Variants in TUBB observed in about 807,000 individuals in gnomAD.
TUBB encodes the protein tubulin beta chain.
In TUBB, 2 loss-of-function variants were observed where a neutral mutation model predicts 35.1. That is an observed-to-expected ratio of 0.06 (90% CI 0.02 to 0.18). The LOEUF (loss-of-function observed/expected upper bound fraction) is 0.18, where lower values mean the gene tolerates loss of function less well. TUBB is among the 10% of genes least tolerant of loss of function. The pLI is 1.00. For missense variants in TUBB, 50 were observed against 599.4 expected (o/e 0.08, Z 9.57); for synonymous variants, 205 against 223.8 (o/e 0.92, Z 0.75).
intron 1 of TUBB, chr6:30,721,521 T>A: frequency 1.0e-6 from 1 of 983,786 alleles, no homozygotes; most frequent in Middle Eastern, 5.2e-4. Flanking sequence ...CGCGCGGAAT[T>A]TTTGTCCCTG....
rs75955575 is a variant in TUBB, at chr6:30,722,488, A to T, written c.58-49A>T. On this transcript the variant is annotated intron_variant, in intron 1 of 3. Coordinates refer to ENST00000327892, the MANE Select transcript of TUBB (RefSeq NM_178014.4). ...GAAATAAAATGGTAGTTGGGGACAT[A>T]GTTGGCTGGGACTTGACCTGTTGTG... 57,266 of 1,253,436 alleles carry T rather than the reference A, an allele frequency of 0.046. 2,284 individuals carry two copies. The highest frequency in any genetic ancestry group is 0.16 in the African/African-American group (10,481 of 67,104). The allele number at this position is 1,253,436 out of a possible 1,614,324, so 77.6% of individuals were successfully genotyped here. A position where few individuals can be genotyped will look rare whatever the true frequency, so the allele number is the denominator to read the frequency against.
chr6:30,721,856 G>A (rs1018315071), intron 1 of TUBB: 4 of 985,776 alleles, frequency 4.1e-6, no homozygotes, highest in Non-Finnish European at 4.8e-6. Context: ...TAGAACAACG[G>A]CCTGAGCGCT....
intron 3 of TUBB, 143 bp from the exon 4 acceptor site, chr6:30,723,197 T>A: frequency 1.1e-6 from 1 of 924,286 alleles, no homozygotes; most frequent in Non-Finnish European, 1.6e-6. Flanking sequence ...TGCTGGTAAA[T>A]TATGGGGCAG....
rs1776519838 is a variant in TUBB, at chr6:30,724,654, CCA to C, written c.*258_*259del. 8 of 499,008 alleles carry C rather than the reference CCA, an allele frequency of 1.6e-5. No homozygotes were observed. Among genetic ancestry groups the C allele is most frequent in the Non-Finnish European group, 2.5e-5 (7 of 285,342 alleles). The allele number at this position is 499,008 out of a possible 1,614,324, so 30.9% of individuals were successfully genotyped here. A position where few individuals can be genotyped will look rare whatever the true frequency, so the allele number is the denominator to read the frequency against. ...GTGACCCTGTATTTCTTTCTGGTGC[CCA>C]TTCCATTTGTCCAGTTAATACTTCC... On this transcript the variant is annotated 3_prime_UTR_variant, in exon 4 of 4. Transcript: ENST00000327892. The surrounding 1 kb of genome is among the most constrained non-coding windows in gnomAD (Gnocchi z 4.4).
In TUBB at chr6:30,722,914, G is replaced by A. The variant is rs1291975766; in HGVS notation, c.167-4G>A. ...TTCACAGCTCTTAACTTTATTCTCT[G>A]TAGGTGGCAAATATGTTCCTCGTGC... On this transcript the variant is annotated splice_region_variant and splice_polypyrimidine_tract_variant and intron_variant, in intron 2 of 3. Transcript: ENST00000327892. 1.2e-6 allele frequency: 2 copies of A among 1,610,198 alleles called. No homozygotes were observed. Among genetic ancestry groups the A allele is most frequent in the Non-Finnish European group, 1.7e-6 (2 of 1,177,964 alleles).
chr6:30,723,704 T>C lies in TUBB; in HGVS notation c.642T>C (p.Thr214=). 1.9e-6 allele frequency: 3 copies of C among 1,614,196 alleles called. No homozygotes were observed. Among genetic ancestry groups the C allele is most frequent in the Non-Finnish European group, 2.5e-6 (3 of 1,180,038 alleles). Reference sequence around the variant, plus strand: ...CCCTCTATGATATCTGCTTCCGCACTCTGAAGCTGACCACACCAACCTACG... The same window carrying C: ...CCCTCTATGATATCTGCTTCCGCACCCTGAAGCTGACCACACCAACCTACG... ...NEALYDICFR[T]LKLTTPTYGD... Residue 214 remains threonine, a synonymous_variant, in exon 4 of 4, where the codon ACT becomes ACC. Transcript: ENST00000327892.
At position 30,723,626 on chromosome 6, in the gene TUBB, C is replaced by T. The variant is rs140428951; in HGVS notation, c.564C>T (p.Ser188=). 24 of 1,614,110 alleles carry T rather than the reference C, an allele frequency of 1.5e-5. No individual in the cohort carries two copies. The highest frequency in any genetic ancestry group is 1.8e-5 in the Non-Finnish European group (21 of 1,180,052). The change falls in exon 4 of 4, where the codon TCC becomes TCT. Residue 188 remains serine (S), a synonymous_variant. Transcript: ENST00000327892. The part of the protein sequence containing the change: ...TVVEPYNATL[S]VHQLVENTDE... ...TCGAGCCCTACAATGCCACCCTCTC[C>T]GTCCATCAGTTGGTAGAGAATACTG...
intron 1 of TUBB, among the ~76,000 whole-genome samples, chr6:30,720,901 G>A (rs1296318405): frequency 6.6e-6 from 1 of 152,272 alleles, no homozygotes; most frequent in Non-Finnish European, 1.5e-5. Flanking sequence ...AGACAAAGCG[G>A]GGCGAGGTTT....
intron 1 of TUBB, 138 bp downstream of exon 1, chr6:30,720,701 T>TAA (rs1776161208): frequency 1.4e-6 from 1 of 716,720 alleles, no homozygotes. Flanking sequence ...TTTATATATA[T>TAA]AACAATTGTA....
chr6:30,721,608 G>A, intron 1 of TUBB: 4 of 985,416 alleles, frequency 4.1e-6, no homozygotes, highest in African/African-American at 1.7e-5. Flanking sequence ...GGCGGGGGGG[G>A]TGGTCGACTG....
chr6:30,724,130 C>T lies in TUBB; in HGVS notation c.1068C>T (p.Ile356=), dbSNP rs1776465132. ...ATGTCAAGACAGCCGTCTGTGACAT[C>T]CCACCTCGTGGCCTCAAGATGGCAG... is the stretch of plus-strand genomic sequence containing the variant. ...PNNVKTAVCD[I]PPRGLKMAVT... The change falls in exon 4 of 4, where the codon ATC becomes ATT. Residue 356 remains isoleucine, a synonymous_variant. Coordinates refer to ENST00000327892, the MANE Select transcript of TUBB (RefSeq NM_178014.4). The surrounding 1 kb of genome is among the most constrained non-coding windows in gnomAD (Gnocchi z 4.4). 2.5e-6 allele frequency: 4 copies of T among 1,614,142 alleles called. No homozygotes were observed. Among genetic ancestry groups the T allele is most frequent in the Non-Finnish European group, 3.4e-6 (4 of 1,179,990 alleles).
chr6:30,720,606 A>T, intron 1 of TUBB, 43 bp downstream of exon 1: 1 of 1,583,588 alleles, frequency 6.3e-7, no homozygotes, highest in Non-Finnish European at 8.6e-7. Context: ...ACAAGGAAAA[A>T]TCCAGGTAAG....
chr6:30,724,450 A>T lies in TUBB; in HGVS notation c.*53A>T. ...TCAGTTCCCTTAGCCGTCTTACTCA[A>T]CTGCCCCTTTCCTCTCCCTCAGAAT... On this transcript the variant is annotated 3_prime_UTR_variant, in exon 4 of 4. Transcript: ENST00000327892. This position sits in a 1 kb window ranked among gnomAD's most constrained non-coding sequence, Gnocchi z 4.4. 1 of 1,495,850 alleles carries T rather than the reference A, an allele frequency of 6.7e-7. No homozygotes were observed. Among genetic ancestry groups the T allele is most frequent in the East Asian group, 2.3e-5 (1 of 43,254 alleles). 92.7% of individuals were successfully genotyped at this position (1,495,850 alleles called of 1,614,324 possible).
rs1776127691 is a variant in TUBB, at chr6:30,720,358, G to A, written c.-149G>A. On this transcript the variant is annotated 5_prime_UTR_variant, in exon 1 of 4. Coordinates refer to ENST00000327892, the MANE Select transcript of TUBB (RefSeq NM_178014.4). Reference sequence around the variant, plus strand: ...CCTCCCCTCTCCTTTCTCCCTCTCAGAACCTTCCTGCCGTCGCGTTTGCAC... The same window carrying A: ...CCTCCCCTCTCCTTTCTCCCTCTCAAAACCTTCCTGCCGTCGCGTTTGCAC... The A allele has an allele frequency of 1.3e-6, 1 of 771,610 alleles. No individual in the cohort carries two copies. Among genetic ancestry groups the A allele is most frequent in the Admixed American group, 2.1e-5 (1 of 48,308 alleles). The allele number at this position is 771,610 out of a possible 1,614,324, so 47.8% of individuals were successfully genotyped here. A position where few individuals can be genotyped will look rare whatever the true frequency, so the allele number is the denominator to read the frequency against.
At chr6:30,722,863 T>G (rs1776385973) in intron 2 of TUBB, 55 bp from the exon 3 acceptor site, 2 of 1,451,970 alleles carry the variant, frequency 1.4e-6, no homozygotes, top group Admixed American at 3.5e-5. Flanking sequence ...TTCCAGTATA[T>G]CTATAAACCT....
At chr6:30,721,569 A>C in intron 1 of TUBB, 2 of 984,950 alleles carry the variant, frequency 2.0e-6, no homozygotes, top group South Asian at 4.7e-5. Flanking sequence ...CGGCGGCTCG[A>C]CCTGCGCGTG....
In TUBB at chr6:30,724,755, T is replaced by G; in HGVS notation, c.*358T>G. Reference sequence around the variant, plus strand: ...ACCAGGTGCTGAAAACACATGTAGATAATGGCCATCATCCTAAGCCCAAAG... The same window carrying G: ...ACCAGGTGCTGAAAACACATGTAGAGAATGGCCATCATCCTAAGCCCAAAG... On this transcript the variant is annotated 3_prime_UTR_variant, in exon 4 of 4. Coordinates refer to ENST00000327892, the MANE Select transcript of TUBB (RefSeq NM_178014.4). This position sits in a 1 kb window ranked among gnomAD's most constrained non-coding sequence, Gnocchi z 4.4. 3.6e-6 allele frequency: 1 copy of G among 278,412 alleles called. No homozygotes were observed. Among genetic ancestry groups the G allele is most frequent in the Non-Finnish European group, 6.7e-6 (1 of 148,524 alleles). The allele number at this position is 278,412 out of a possible 1,614,324, so 17.2% of individuals were successfully genotyped here. A position where few individuals can be genotyped will look rare whatever the true frequency, so the allele number is the denominator to read the frequency against.
At chr6:30,720,585 TA>T in intron 1 of TUBB, 22 bp downstream of exon 1, 1 of 1,601,376 alleles carries the variant, frequency 6.2e-7, no homozygotes, top group Non-Finnish European at 8.5e-7. Flanking sequence ...ACACCTCTTT[TA>T]TTTCTTTTTA....
chr6:30,720,424 C>G lies in TUBB; in HGVS notation c.-83C>G, dbSNP rs551211717. ...TCTGGGGCGCATTCCAACCTTCCAGCCTGCGACCTGCGGAGAAAAAAAATT... is the reference window on the plus strand; with the variant it reads ...TCTGGGGCGCATTCCAACCTTCCAGGCTGCGACCTGCGGAGAAAAAAAATT... On this transcript the variant is annotated 5_prime_UTR_variant, in exon 1 of 4. Transcript: ENST00000327892. 22 of 1,405,060 alleles carry G rather than the reference C, an allele frequency of 1.6e-5. No homozygotes were observed. In the African/African-American group the frequency reaches 2.1e-4, roughly 14 times the overall value. 87.0% of individuals were successfully genotyped at this position (1,405,060 alleles called of 1,614,324 possible).
Sources: gnomAD v4.1 joint callset for allele counts (sites outside exome capture counted in the v4.1 genomes callset) on GRCh38, gnomAD v4.1.1 for gene constraint, Gnocchi (gnomAD v3.1) non-coding constraint, MANE v1.5 for transcripts, NCBI Gene and HGNC (gene_info 2026-07-23, HGNC 2026-07-21) for gene names.